The following DHX57 variants were observed in gnomAD, a reference collection of about 807,000 sequenced individuals.
DHX57 encodes the protein DExH-box helicase 57, also known as putative ATP-dependent RNA helicase DHX57.
DHX57 carries 105 observed loss-of-function variants against 156.2 expected under a neutral mutation model. The ratio of observed to expected loss-of-function variants is 0.67; its 90% CI spans 0.57 to 0.79. The LOEUF (loss-of-function observed/expected upper bound fraction) is 0.79. Ranked by LOEUF, DHX57 falls within the 30% of genes least tolerant of loss-of-function variation. DHX57 has a pLI of 0.00. For synonymous variants in DHX57, 704 were observed against 595.6 expected (o/e 1.18, Z -2.65); for missense variants, 1,847 against 1,661.9 (o/e 1.11, Z -1.94).
At chr2:38,827,505 A>AT (rs1553326973) in intron 14 of DHX57, among the ~76,000 whole-genome samples, 306 of 10,024 alleles carry the variant, frequency 0.031, 5 homozygotes, top group African/African-American at 0.041. Flanking sequence ...AAAAAAAAAA[A>AT]ATATATATAT....
At position 38,806,631 on chromosome 2, in the gene DHX57, T is replaced by C; in HGVS notation, c.3744A>G (p.Lys1248=). 6.2e-7 allele frequency: 1 copy of C among 1,614,186 alleles called. No individual in the cohort carries two copies. Among genetic ancestry groups the C allele is most frequent in the Non-Finnish European group, 8.5e-7 (1 of 1,180,026 alleles). ...TSTGAVRMQP[K]SAELKFVTKN... is the part of the protein sequence containing the mutation. ...TGGTGACAAACTTCAACTCAGCTGA[T>C]TTTGGTTGCATTCTGACAGCTCCAG... is the stretch of plus-strand genomic sequence containing the variant. Residue 1248 remains lysine, a synonymous_variant, in exon 22 of 24, where the codon AAA becomes AAG. Coordinates refer to ENST00000457308, the MANE Select transcript of DHX57 (RefSeq NM_198963.3).
intron 1 of DHX57, among the ~76,000 whole-genome samples, chr2:38,872,429 G>C (rs1259139199): frequency 6.6e-6 from 1 of 152,158 alleles, no homozygotes; most frequent in Non-Finnish European, 1.5e-5. Context: ...CCAATCAAAA[G>C]ACAGAGATTG....
intron 2 of DHX57, chr2:38,867,111 T>C (rs1204929303): frequency 3.9e-5 from 6 of 152,232 alleles, no homozygotes; most frequent in Non-Finnish European, 7.3e-5. Flanking sequence ...ATACTTACCA[T>C]TGTGTTATAA....
chr2:38,830,295 A>G lies in DHX57; in HGVS notation c.2543-1859T>C, dbSNP rs185641550. On this transcript the variant is annotated intron_variant, in intron 13 of 23. Coordinates refer to ENST00000457308, the MANE Select transcript of DHX57 (RefSeq NM_198963.3). ...CCTCACAGTAACAAAGAATGTTCAC[A>G]TATATTATCCCATTTAATCCTCATA... 2.4e-3 allele frequency among the ~76,000 whole-genome samples: 370 copies of G among 152,294 alleles called. 1 individual carries two copies. Among genetic ancestry groups the G allele is most frequent in the African/African-American group, 8.6e-3 (359 of 41,568 alleles).
intron 14 of DHX57, among the ~76,000 whole-genome samples, chr2:38,827,533 T>C (rs13422114): frequency 4.1e-4 from 20 of 48,270 alleles, no homozygotes; most frequent in African/African-American, 1.3e-3. Flanking sequence ...TATATATATA[T>C]ACACACATAC....
chr2:38,861,806 C>A lies in DHX57; in HGVS notation c.604G>T (p.Val202Phe). The A allele has an allele frequency of 6.2e-7, 1 of 1,612,174 alleles. No individual in the cohort carries two copies. Among genetic ancestry groups the A allele is most frequent in the East Asian group, 2.2e-5 (1 of 44,864 alleles). Residue 202 changes from valine (V) to phenylalanine (F), a missense_variant, in exon 5 of 24, where the codon GTC becomes TTC. Val to Phe is a conservative substitution (Grantham distance 50). Coordinates refer to ENST00000457308, the MANE Select transcript of DHX57 (RefSeq NM_198963.3). The part of the protein sequence containing the change: ...YGFNTERCQA[V>F]LRMCDGDVGA... ...ACATCTCCATCACACATCCTCAGGA[C>A]CGCTTGACAGCGTTCAGTATTGAAA... is the stretch of plus-strand genomic sequence containing the variant.
chr2:38,814,298 T>C (rs1475246499), intron 20 of DHX57, among the ~76,000 whole-genome samples: 1 of 152,056 alleles, frequency 6.6e-6, no homozygotes, highest in Non-Finnish European at 1.5e-5. Context: ...TTGATCTCTA[T>C]CTTAAAGCAA....
intron 2 of DHX57, among the ~76,000 whole-genome samples, chr2:38,866,905 T>C (rs1665105554): frequency 6.6e-6 from 1 of 152,194 alleles, no homozygotes; most frequent in African/African-American, 2.4e-5. Flanking sequence ...TTGCTATTTA[T>C]AAAGTCTATA....
At chr2:38,845,168 C>A (rs1205516994) in intron 11 of DHX57, among the ~76,000 whole-genome samples, 1 of 151,582 alleles carries the variant, frequency 6.6e-6, no homozygotes, top group Admixed American at 6.6e-5. Context: ...CTGCACTCAG[C>A]CTGGGTGACA....
At chr2:38,854,461 T>C (rs975535416) in intron 8 of DHX57, 5 of 208,178 alleles carry the variant, frequency 2.4e-5, no homozygotes, top group African/African-American at 9.3e-5. Flanking sequence ...ATGGATTATG[T>C]CCCAAGTTCA....
intron 14 of DHX57, among the ~76,000 whole-genome samples, chr2:38,828,004 C>T (rs1244247243): frequency 3.3e-5 from 5 of 151,926 alleles, no homozygotes; most frequent in Admixed American, 1.3e-4. Flanking sequence ...TTATAGGTGC[C>T]GGCCACCACA....
In DHX57 at chr2:38,854,370, T is replaced by C. The variant is rs1672770146; in HGVS notation, c.1906-192A>G. On this transcript the variant is annotated intron_variant, in intron 8 of 23. Coordinates refer to ENST00000457308, the MANE Select transcript of DHX57 (RefSeq NM_198963.3). ...AAAGCCTTTCTACTTCATATCACAA[T>C]GTTAAGATTTTCATAAAAAGCATTA... The C allele has an allele frequency of 7.0e-6, 3 of 429,556 alleles. No individual in the cohort carries two copies. The South Asian group carries it at 1.1e-4, about 15-fold the overall frequency. The allele number at this position is 429,556 out of a possible 1,614,324, so 26.6% of individuals were successfully genotyped here. A position where few individuals can be genotyped will look rare whatever the true frequency, so the allele number is the denominator to read the frequency against.
Position 38,868,961 on chromosome 2 carries a change from C to A in DHX57, c.-6-550G>T, listed in dbSNP as rs180880972. On this transcript the variant is annotated intron_variant, in intron 1 of 23. Transcript: ENST00000457308. ...GGACTACAGGCGCCTGCCACCACGC[C>A]CAGCTAATATTTGTATTTTTAGTAG... 3.9e-5 allele frequency among the ~76,000 whole-genome samples: 6 copies of A among 152,178 alleles called. No homozygotes were observed. In the East Asian group the frequency reaches 1.2e-3, roughly 29 times the overall value.
intron 17 of DHX57, among the ~76,000 whole-genome samples, chr2:38,821,036 G>A (rs1670787449): frequency 6.6e-6 from 1 of 151,842 alleles, no homozygotes; most frequent in Admixed American, 6.6e-5. Context: ...TATGTTCTCT[G>A]TTCACAGTAG....
rs747497239 is a variant in DHX57 at position 38,843,145 on chromosome 2, T to C, written c.2285A>G (p.Lys762Arg). 19 of 1,614,070 alleles carry C rather than the reference T, an allele frequency of 1.2e-5. No homozygotes were observed. Among genetic ancestry groups the C allele is most frequent in the Non-Finnish European group, 8.5e-7 (1 of 1,180,032 alleles). ...AAATGCAGTTCTGTTCCGCCTTGCT[T>C]TAAGCTTTTCCTTTGAAATCTGTTT... ...SMKQISKEKL[K>R]ARRNRTAFEE... is the part of the protein sequence containing the mutation. The change falls in exon 12 of 24, where the codon AAA becomes AGA. Residue 762 changes from lysine (K) to arginine (R), a missense_variant. Physicochemically the swap from Lys to Arg is conservative, Grantham distance 26 (BLOSUM62 2). Transcript: ENST00000457308.
chr2:38,815,789 T>A, intron 19 of DHX57, 134 bp from the exon 20 acceptor site: 2 of 1,078,272 alleles, frequency 1.9e-6, no homozygotes, highest in Non-Finnish European at 2.6e-6. Flanking sequence ...ATTCCTCAGG[T>A]ATGAAGAGGA....
Position 38,868,420 on chromosome 2 carries a change from G to C in DHX57, c.-6-9C>G, listed in dbSNP as rs750640966. The C allele has an allele frequency of 1.2e-6, 2 of 1,609,006 alleles. No individual in the cohort carries two copies. The highest frequency in any genetic ancestry group is 2.7e-5 in the African/African-American group (2 of 74,666). ...GAAGAACTCATTTTCACCTGCAAGA[G>C]AAAAAAATTAATGTAGACATCATAA... On this transcript the variant is annotated splice_polypyrimidine_tract_variant and intron_variant, in intron 1 of 23. Transcript: ENST00000457308.
chr2:38,858,047 G>C (rs999053122), intron 6 of DHX57, among the ~76,000 whole-genome samples: 8 of 152,020 alleles, frequency 5.3e-5, no homozygotes, highest in African/African-American at 1.9e-4. Flanking sequence ...CTAAACCACA[G>C]TATTTGTTTT....
intron 21 of DHX57, among the ~76,000 whole-genome samples, chr2:38,808,041 G>A (rs1572620479): frequency 7.7e-6 from 1 of 130,302 alleles, no homozygotes; most frequent in East Asian, 2.7e-4. Flanking sequence ...TGCAACCTCC[G>A]CCTCTCGGGT....
Sources: allele counts gnomAD v4.1 joint callset (sites outside exome capture counted in the v4.1 genomes callset), GRCh38; gene constraint gnomAD v4.1.1; transcripts MANE v1.5; gene names NCBI Gene and HGNC (gene_info 2026-07-23, HGNC 2026-07-21).